MTAP: variants seen among roughly 807,000 people sequenced by gnomAD.
The protein encoded by MTAP is methylthioadenosine phosphorylase, also known as S-methyl-5'-thioadenosine phosphorylase.
In MTAP, 33 loss-of-function variants were observed where a neutral mutation model predicts 33.6. The ratio of observed to expected loss-of-function variants is 0.98; its 90% CI spans 0.74 to 1.31. The LOEUF (loss-of-function observed/expected upper bound fraction) is 1.31, where lower values mean the gene tolerates loss of function less well. Ranked by LOEUF, MTAP falls within the 40% of genes most tolerant of loss-of-function variation. MTAP has a pLI of 0.00. For synonymous variants in MTAP, 148 were observed against 125.7 expected (o/e 1.18, Z -1.19); for missense variants, 367 against 360.0 (o/e 1.02, Z -0.16).
chr9:21,802,877 C>T (rs1186634415), intron 1 of MTAP, 96 bp downstream of exon 1: 1 of 1,524,004 alleles, frequency 6.6e-7, no homozygotes, highest in South Asian at 1.2e-5. Context: ...ATGCGCCCGG[C>T]CCGTGCGTCC....
At chr9:21,861,875 C>G (rs1451924185) in intron 7 of MTAP, 101 bp from the exon 8 acceptor site, 1 of 812,776 alleles carries the variant, frequency 1.2e-6, no homozygotes, top group Non-Finnish European at 2.1e-6. Flanking sequence ...TTCCTGCGTC[C>G]TCACTTTGAT....
chr9:21,845,920 C>A (rs1488815427), intron 5 of MTAP, among the ~76,000 whole-genome samples: 1 of 152,120 alleles, frequency 6.6e-6, no homozygotes, highest in Admixed American at 6.5e-5. Flanking sequence ...AGTAGGCATG[C>A]AGACCAGTGG....
At chr9:21,828,087 G>A (rs10116942) in intron 4 of MTAP, among the ~76,000 whole-genome samples, 1 of 152,208 alleles carries the variant, frequency 6.6e-6, no homozygotes, top group Non-Finnish European at 1.5e-5. Flanking sequence ...AGTTGGGTCA[G>A]AAGATGGAGA....
intron 1 of MTAP, among the ~76,000 whole-genome samples, chr9:21,914,039 A>G (rs1209065805): frequency 6.6e-6 from 1 of 152,264 alleles, no homozygotes; most frequent in Non-Finnish European, 1.5e-5. Context: ...AATGCTCATC[A>G]TCACTGGCCA....
intron 4 of MTAP, among the ~76,000 whole-genome samples, chr9:21,837,556 C>T (rs986054694): frequency 2.0e-5 from 3 of 152,186 alleles, no homozygotes; most frequent in East Asian, 1.9e-4. Flanking sequence ...TGATTTTCCA[C>T]GTCTGTGATG....
At position 21,866,671 on chromosome 9, in the gene MTAP, G is replaced by C. The variant is rs1287058367; in HGVS notation, c.*4657G>C. The C allele has an allele frequency of 6.6e-6, 1 of 152,000 alleles. No homozygotes were observed. Among genetic ancestry groups the C allele is most frequent in the Non-Finnish European group, 1.5e-5 (1 of 67,982 alleles). The allele number at this position is 152,000 out of a possible 1,614,324, so 9.4% of individuals were successfully genotyped here. On this transcript the variant is annotated 3_prime_UTR_variant, in exon 8 of 8. Coordinates refer to ENST00000644715, the MANE Select transcript of MTAP (RefSeq NM_002451.4). ...TTATGGTGTCTTGAAATTAAGTATT[G>C]TTAAGCTTTGCAATCTTTTCCAAGA...
intron 1 of MTAP, among the ~76,000 whole-genome samples, chr9:21,874,760 C>T (rs780922805): frequency 2.7e-5 from 4 of 150,240 alleles, no homozygotes; most frequent in Admixed American, 1.3e-4. Flanking sequence ...AGGTTTGTTA[C>T]GGAGGTATAC....
Position 21,854,697 on chromosome 9 carries a change from G to A in MTAP, c.517G>A (p.Glu173Lys), listed in dbSNP as rs191458622. ...CHSKGTMVTI[E>K]GPRFSSRAES... is the part of the protein sequence containing the mutation. ...CTCAAAGGGGACAATGGTCACAATCGAGGGACCTCGTTTTAGCTCCCGGGC... is the reference window on the plus strand; with the variant it reads ...CTCAAAGGGGACAATGGTCACAATCAAGGGACCTCGTTTTAGCTCCCGGGC... The change falls in exon 6 of 8, where the codon GAG becomes AAG. Residue 173 changes from glutamate (E) to lysine (K), a missense_variant. By Grantham distance (56) the Glu-to-Lys change is moderately conservative (BLOSUM62 1). Transcript: ENST00000644715. 6 of 1,613,872 alleles carry A rather than the reference G, an allele frequency of 3.7e-6. No individual in the cohort carries two copies. In the African/African-American group the frequency reaches 4.0e-5, roughly 11 times the overall value.
intron 1 of MTAP, among the ~76,000 whole-genome samples, chr9:21,928,693 C>T (rs924436537): frequency 1.3e-5 from 2 of 152,072 alleles, no homozygotes; most frequent in East Asian, 1.9e-4. Flanking sequence ...CTGCAATCTT[C>T]AGGAAAAGTG....
chr9:21,884,279 G>C (rs1818071234), intron 1 of MTAP, among the ~76,000 whole-genome samples: 1 of 152,116 alleles, frequency 6.6e-6, no homozygotes, highest in Admixed American at 6.6e-5. Flanking sequence ...AACGGTCATA[G>C]ACGTTTTGTT....
Position 21,854,736 on chromosome 9 carries a change from T to A in MTAP, c.556T>A (p.Phe186Ile), listed in dbSNP as rs753763645. The A allele has an allele frequency of 4.3e-6, 7 of 1,614,184 alleles. No homozygotes were observed. The Admixed American group carries it at 1.2e-4, about 27-fold the overall frequency. Reference protein sequence around the residue: ...RFSSRAESFMFRTWGADVINM... With the variant: ...RFSSRAESFMIRTWGADVINM... ...TAGCTCCCGGGCAGAAAGCTTCATG[T>A]TCCGCACCTGGGGGGCGGATGTTAT... The change falls in exon 6 of 8, where the codon TTC becomes ATC. Residue 186 changes from phenylalanine to isoleucine, a missense_variant. Transcript: ENST00000644715.
At chr9:21,913,864 T>A (rs1247410871) in intron 1 of MTAP, among the ~76,000 whole-genome samples, 1 of 151,898 alleles carries the variant, frequency 6.6e-6, no homozygotes, top group Admixed American at 6.6e-5. Flanking sequence ...TGGGAGAAAA[T>A]TTTTGCAATC....
At chr9:21,905,876 T>TGACA (rs763406668) in intron 1 of MTAP, among the ~76,000 whole-genome samples, 1 of 152,198 alleles carries the variant, frequency 6.6e-6, no homozygotes, top group Non-Finnish European at 1.5e-5. Flanking sequence ...CAAAGGGAGA[T>TGACA]GACAACACTT....
intron 1 of MTAP, among the ~76,000 whole-genome samples, chr9:21,896,997 C>A (rs1161299791): frequency 6.6e-6 from 1 of 152,200 alleles, no homozygotes; most frequent in Non-Finnish European, 1.5e-5. Context: ...TACTGCCAAA[C>A]CGAATCCAGC....
chr9:21,858,945 A>C, intron 6 of MTAP: 1 of 169,204 alleles, frequency 5.9e-6, no homozygotes, highest in Non-Finnish European at 1.2e-5. Context: ...CATTTCTGTA[A>C]GTTGAGAAGT....
chr9:21,888,517 A>G (rs2118736686), intron 1 of MTAP, among the ~76,000 whole-genome samples: 1 of 152,212 alleles, frequency 6.6e-6, no homozygotes, highest in East Asian at 1.9e-4. Flanking sequence ...AGGCGTATAT[A>G]TATTTTGGAT....
intron 5 of MTAP, among the ~76,000 whole-genome samples, chr9:21,854,313 A>G (rs1176775545): frequency 6.6e-6 from 1 of 152,206 alleles, no homozygotes; most frequent in Non-Finnish European, 1.5e-5. Context: ...TTAGTCTCTT[A>G]AAGTTGTTAA....
downstream of MTAP, chr9:21,867,096 T>C (rs1215479281): frequency 6.6e-6 from 1 of 152,176 alleles, no homozygotes; most frequent in African/African-American, 2.4e-5. Context: ...TTCTTATTTT[T>C]ATTTTATTGC....
At chr9:21,935,273 C>T (rs1819023895), downstream of MTAP, 1 of 152,014 alleles carries the variant, frequency 6.6e-6, no homozygotes, top group African/African-American at 2.4e-5. Context: ...AATACGGGTA[C>T]TTAAAATTGT....
Sources: allele counts gnomAD v4.1 joint callset (sites outside exome capture counted in the v4.1 genomes callset), GRCh38; gene constraint gnomAD v4.1.1; transcripts MANE v1.5; gene names NCBI Gene and HGNC (gene_info 2026-07-23, HGNC 2026-07-21).